The following NEDD4L variants were observed in gnomAD, a reference collection of about 807,000 sequenced individuals.
NEDD4L encodes the protein E3 ubiquitin-protein ligase NEDD4-like.
Under a neutral mutation model 148.9 loss-of-function variants are expected in NEDD4L, and 54 were observed. That is an observed-to-expected ratio of 0.36 (90% CI 0.29 to 0.45). NEDD4L has a LOEUF of 0.45. NEDD4L is among the 20% of genes least tolerant of loss of function. NEDD4L has a pLI of 1.00. For missense variants in NEDD4L, 856 were observed against 1,233.8 expected (o/e 0.69, Z 4.59); for synonymous variants, 433 against 440.7 (o/e 0.98, Z 0.22).
chr18:58,391,302 G>C (rs1247830311), intron 29 of NEDD4L, among the ~76,000 whole-genome samples, 185 bp from the exon 30 acceptor site: 1 of 152,158 alleles, frequency 6.6e-6, no homozygotes, highest in Non-Finnish European at 1.5e-5. Context: ...GAGTCTTTCT[G>C]TGAGGTTGTG....
chr18:58,273,113 G>A (rs1221579086), intron 5 of NEDD4L, among the ~76,000 whole-genome samples: 3 of 152,202 alleles, frequency 2.0e-5, no homozygotes, highest in Non-Finnish European at 2.9e-5. Context: ...GAGAGTCAGA[G>A]ATGCTGGAGG....
chr18:58,335,568 C>T, intron 13 of NEDD4L, 31 bp downstream of exon 13: 1 of 1,550,170 alleles, frequency 6.5e-7, no homozygotes, highest in Non-Finnish European at 8.9e-7. Context: ...ACATCAATAG[C>T]AAGAGGCCGT....
At chr18:58,063,039 C>CTTTTT (rs74183235) in intron 1 of NEDD4L, among the ~76,000 whole-genome samples, 1 of 91,152 alleles carries the variant, frequency 1.1e-5, no homozygotes, top group Non-Finnish European at 1.9e-5. Context: ...TTTATTTGTT[C>CTTTTT]TTTTTTTTTT....
intron 5 of NEDD4L, among the ~76,000 whole-genome samples, chr18:58,311,006 C>A (rs1410570521): frequency 6.6e-6 from 1 of 151,406 alleles, no homozygotes; most frequent in African/African-American, 2.4e-5. Context: ...TCTTAAGAAA[C>A]TCTAAACCTT....
chr18:58,252,114 C>A (rs1057329625), intron 5 of NEDD4L, 60 bp downstream of exon 5: 1 of 1,079,702 alleles, frequency 9.3e-7, no homozygotes, highest in African/African-American at 1.5e-5. Flanking sequence ...ATTTTCAGAG[C>A]AGCGTCTTTA....
At chr18:58,318,036 C>T (rs80033722) in intron 6 of NEDD4L, among the ~76,000 whole-genome samples, 2,241 of 152,196 alleles carry the variant, frequency 0.015, 31 homozygotes, top group South Asian at 0.034. Flanking sequence ...CAGGTGCTTT[C>T]GTGTGTATGT....
chr18:58,227,780 A>T, intron 2 of NEDD4L: 1 of 500,578 alleles, frequency 2.0e-6, no homozygotes, highest in Non-Finnish European at 2.6e-6. Context: ...ATCCTTTATT[A>T]ATTGCCTCTT....
chr18:58,340,967 ACC>A (rs2042343309), intron 13 of NEDD4L, 69 bp from the exon 14 acceptor site: 2 of 1,455,884 alleles, frequency 1.4e-6, no homozygotes, highest in South Asian at 2.6e-5. Context: ...ATCTGGGTGT[ACC>A]TTACTTTATT....
intron 1 of NEDD4L, among the ~76,000 whole-genome samples, chr18:58,060,674 A>C (rs1000141085): frequency 2.0e-5 from 3 of 152,148 alleles, no homozygotes; most frequent in African/African-American, 7.2e-5. Context: ...GAAGAAGCCT[A>C]TCTCTATTAA....
chr18:58,254,971 T>C (rs2048337455), intron 5 of NEDD4L, among the ~76,000 whole-genome samples: 3 of 152,340 alleles, frequency 2.0e-5, no homozygotes, highest in Admixed American at 6.5e-5. Flanking sequence ...CCTGGTAGTG[T>C]AGTGATGTCA....
At chr18:58,327,717 T>C (rs2059426719) in intron 9 of NEDD4L, among the ~76,000 whole-genome samples, 2 of 152,220 alleles carry the variant, frequency 1.3e-5, no homozygotes, top group South Asian at 4.1e-4. Flanking sequence ...CTATAATGAG[T>C]GTTCTTGATA....
intron 5 of NEDD4L, among the ~76,000 whole-genome samples, chr18:58,260,860 T>G (rs1317714828): frequency 6.6e-6 from 1 of 152,198 alleles, no homozygotes; most frequent in Non-Finnish European, 1.5e-5. Flanking sequence ...CCTCTGCAGT[T>G]CACTAGCTTT....
intron 6 of NEDD4L, among the ~76,000 whole-genome samples, chr18:58,316,445 T>C (rs2058281116): frequency 6.6e-6 from 1 of 152,244 alleles, no homozygotes; most frequent in African/African-American, 2.4e-5. Flanking sequence ...ATGCCATTTC[T>C]CTTGGATTCC....
At chr18:58,383,618 T>A (rs536305618) in intron 25 of NEDD4L, among the ~76,000 whole-genome samples, 48 of 152,182 alleles carry the variant, frequency 3.2e-4, no homozygotes, top group Non-Finnish European at 6.3e-4. Flanking sequence ...CAACTAAGAT[T>A]TAGAATTGCA....
At chr18:58,078,931 C>G (rs1232106286) in intron 1 of NEDD4L, among the ~76,000 whole-genome samples, 1 of 152,136 alleles carries the variant, frequency 6.6e-6, no homozygotes, top group African/African-American at 2.4e-5. Flanking sequence ...GTTCATTTCA[C>G]ACCTGTCATT....
At position 58,100,044 on chromosome 18, in the gene NEDD4L, A is replaced by G. The variant is rs776583212; in HGVS notation, c.48+55336A>G. On this transcript the variant is annotated intron_variant, in intron 1 of 30. Transcript: ENST00000400345. ...CTGATTTCAAGGACTCCTGAAGCCA[A>G]TGGCAGCTCTGAGTTTCCTGGCAGC... 5.9e-5 allele frequency among the ~76,000 whole-genome samples: 9 copies of G among 152,304 alleles called. No individual in the cohort carries two copies. The South Asian group carries it at 8.3e-4, about 14-fold the overall frequency.
At chr18:58,317,899 A>G (rs2058434830) in intron 6 of NEDD4L, among the ~76,000 whole-genome samples, 1 of 152,198 alleles carries the variant, frequency 6.6e-6, no homozygotes. Flanking sequence ...TTCACAGCCA[A>G]CTATAGTCAG....
Position 58,256,368 on chromosome 18 carries a change from T to C in NEDD4L, c.297+4314T>C. ...GGAAGCTCTGGGAAGCGGTGTTTTG[T>C]CTTCCAGTTGCAGCAGCCCCAACAA... On this transcript the variant is annotated intron_variant, in intron 5 of 30. Coordinates refer to ENST00000400345, the MANE Select transcript of NEDD4L (RefSeq NM_001144967.3). This position sits in a 1 kb window ranked among gnomAD's most constrained non-coding sequence, Gnocchi z 5.2. 4.1e-6 allele frequency: 5 copies of C among 1,232,258 alleles called. No homozygotes were observed. Among genetic ancestry groups the C allele is most frequent in the Non-Finnish European group, 5.1e-6 (5 of 988,034 alleles). 76.3% of individuals were successfully genotyped at this position (1,232,258 alleles called of 1,614,324 possible). A position where few individuals can be genotyped will look rare whatever the true frequency, so the allele number is the denominator to read the frequency against.
chr18:58,392,665 C>T (rs1050529775), intron 30 of NEDD4L, among the ~76,000 whole-genome samples: 4 of 152,140 alleles, frequency 2.6e-5, no homozygotes, highest in African/African-American at 9.7e-5. Flanking sequence ...AGTCATTGTC[C>T]GTGGTTCTCT....
Sources: gnomAD v4.1 joint callset for allele counts (sites outside exome capture counted in the v4.1 genomes callset) on GRCh38, gnomAD v4.1.1 for gene constraint, Gnocchi (gnomAD v3.1) non-coding constraint, MANE v1.5 for transcripts, NCBI Gene and HGNC (gene_info 2026-07-23, HGNC 2026-07-21) for gene names.